Variants in ABLIM2 observed in about 807,000 individuals in gnomAD.
The protein encoded by ABLIM2 is actin binding LIM protein family member 2.
Under a neutral mutation model 97.7 loss-of-function variants are expected in ABLIM2, and 53 were observed. The ratio of observed to expected loss-of-function variants is 0.54; its 90% CI spans 0.44 to 0.68. The LOEUF is 0.68. ABLIM2 is among the 30% of genes least tolerant of loss of function. The pLI is 0.00. For missense variants in ABLIM2, 835 were observed against 867.2 expected (o/e 0.96, Z 0.47); for synonymous variants, 361 against 345.8 (o/e 1.04, Z -0.49).
intron 7 of ABLIM2, among the ~76,000 whole-genome samples, chr4:8,055,459 G>A (rs1289995648): frequency 6.6e-6 from 1 of 151,484 alleles, no homozygotes; most frequent in East Asian, 1.9e-4. Context: ...CATCCAGCCT[G>A]ACCCGCCACT....
intron 5 of ABLIM2, among the ~76,000 whole-genome samples, chr4:8,078,349 G>A (rs1411213275): frequency 1.3e-5 from 2 of 152,252 alleles, no homozygotes; most frequent in South Asian, 2.1e-4. Context: ...CCACGCACAC[G>A]TGCGGCCTGC....
chr4:8,106,511 T>C lies in ABLIM2; in HGVS notation c.137A>G (p.Lys46Arg), dbSNP rs1273352714. 4 of 1,599,320 alleles carry C rather than the reference T, an allele frequency of 2.5e-6. No homozygotes were observed. Among genetic ancestry groups the C allele is most frequent in the Non-Finnish European group, 3.4e-6 (4 of 1,173,286 alleles). ...LRVQDKYFHI[K>R]CFVCKACGCD... ...ACACTCACCTTTACAGACGAAGCAC[T>C]TGATGTGGAAGTACTTGTCCTGCAC... The change falls in exon 2 of 21, where the codon AAG (lysine) becomes AGG (arginine). Residue 46 changes from lysine to arginine, a missense_variant. Coordinates refer to ENST00000447017, the MANE Select transcript of ABLIM2 (RefSeq NM_001130083.2).
rs976134135 is a variant in ABLIM2 at position 8,062,735 on chromosome 4, G to A, written c.676-1681C>T. The stretch of plus-strand genomic sequence containing the variant: ...ATTACAGGCATGAGCCACCACGCCC[G>A]GCCTGGTCTGAGTAGCACTCTTAAG... On this transcript the variant is annotated intron_variant, in intron 6 of 20. Coordinates refer to ENST00000447017, the MANE Select transcript of ABLIM2 (RefSeq NM_001130083.2). 5.3e-5 allele frequency among the ~76,000 whole-genome samples: 8 copies of A among 151,988 alleles called. No individual in the cohort carries two copies. In the East Asian group the frequency reaches 7.8e-4, roughly 15 times the overall value.
rs1290255288 is a variant in ABLIM2 at position 8,032,814 on chromosome 4, C to G, written c.1048-3038G>C. ...CCTGATCCTCCAGACAGGAAAAGAACTCTACCCCGAGAGACACAAGTCAGG... is the reference window on the plus strand; with the variant it reads ...CCTGATCCTCCAGACAGGAAAAGAAGTCTACCCCGAGAGACACAAGTCAGG... On this transcript the variant is annotated intron_variant, in intron 10 of 20. Transcript: ENST00000447017. This position sits in a 1 kb window ranked among gnomAD's most constrained non-coding sequence, Gnocchi z 4.3. 1.1e-6 allele frequency: 1 copy of G among 877,878 alleles called. No homozygotes were observed. Among genetic ancestry groups the G allele is most frequent in the Non-Finnish European group, 1.8e-6 (1 of 542,086 alleles). 54.4% of individuals were successfully genotyped at this position (877,878 alleles called of 1,614,324 possible). A position where few individuals can be genotyped will look rare whatever the true frequency, so the allele number is the denominator to read the frequency against.
rs112406392 is a variant in ABLIM2, at chr4:8,044,995, C to T, written c.900+169G>A. Among the ~76,000 whole-genome samples, 8 of 152,302 alleles carry T rather than the reference C, an allele frequency of 5.3e-5. No individual in the cohort carries two copies. The highest frequency in any genetic ancestry group is 1.9e-4 in the African/African-American group (8 of 41,566). ...ATGTCTGTGTTTCAGACTCATAAAG[C>T]CTGTACCAACCTCCACCCCGAAGCA... On this transcript the variant is annotated intron_variant, in intron 9 of 20. Coordinates refer to ENST00000447017, the MANE Select transcript of ABLIM2 (RefSeq NM_001130083.2). This position sits in a 1 kb window ranked among gnomAD's most constrained non-coding sequence, Gnocchi z 4.4.
Position 8,124,896 on chromosome 4 carries a change from C to T in ABLIM2, c.11-18259G>A, listed in dbSNP as rs376940984. On this transcript the variant is annotated intron_variant, in intron 1 of 20. Transcript: ENST00000447017. This position sits in a 1 kb window ranked among gnomAD's most constrained non-coding sequence, Gnocchi z 6.1. ...CCACAGCCTGCTCTGGGTGTGCCTG[C>T]GATTTTGATCCAGCCATTCTAGCGG... is the stretch of plus-strand genomic sequence containing the variant. 1.9e-4 allele frequency among the ~76,000 whole-genome samples: 29 copies of T among 152,270 alleles called. No homozygotes were observed. In the East Asian group the frequency reaches 3.7e-3, roughly 19 times the overall value.
intron 16 of ABLIM2, chr4:8,007,213 C>T (rs1762035783): frequency 8.1e-6 from 8 of 985,376 alleles, no homozygotes; most frequent in Non-Finnish European, 8.4e-6. Context: ...TATGGCCGGC[C>T]GAATGCCACA....
Position 8,066,118 on chromosome 4 carries a change from G to A in ABLIM2, c.676-5064C>T, listed in dbSNP as rs1385025255. ...AGATGGAGACCATCCTGGCTAACACGGTGAAACCCTGTCTCTACTAAAAAA... is the reference window on the plus strand; with the variant it reads ...AGATGGAGACCATCCTGGCTAACACAGTGAAACCCTGTCTCTACTAAAAAA... On this transcript the variant is annotated intron_variant, in intron 6 of 20. Coordinates refer to ENST00000447017, the MANE Select transcript of ABLIM2 (RefSeq NM_001130083.2). Among the ~76,000 whole-genome samples the A allele has an allele frequency of 8.0e-5, 12 of 150,292 alleles. 1 individual carries two copies. The East Asian group carries it at 2.0e-3, about 25-fold the overall frequency.
rs550370095 is a variant in ABLIM2 at position 7,985,952 on chromosome 4, A to C, written c.1681-1059T>G. Among the ~76,000 whole-genome samples, 535 of 152,324 alleles carry C rather than the reference A, an allele frequency of 3.5e-3. 6 individuals carry two copies. The highest frequency in any genetic ancestry group is 6.0e-3 in the Non-Finnish European group (407 of 68,010). ...GGGTCGGGCAGTCCTGCCCCTGCCCACTTCCTGCCCCTTGCTGGGGCCCGG... is the reference window on the plus strand; with the variant it reads ...GGGTCGGGCAGTCCTGCCCCTGCCCCCTTCCTGCCCCTTGCTGGGGCCCGG... On this transcript the variant is annotated intron_variant, in intron 17 of 20. Coordinates refer to ENST00000447017, the MANE Select transcript of ABLIM2 (RefSeq NM_001130083.2).
intron 6 of ABLIM2, among the ~76,000 whole-genome samples, chr4:8,076,653 G>T (rs974843301): frequency 1.3e-5 from 2 of 151,592 alleles, no homozygotes; most frequent in Admixed American, 6.6e-5. Flanking sequence ...CTTCCCCCAT[G>T]GACCATGGGC....
rs1393506110 is a variant in ABLIM2 at position 8,128,203 on chromosome 4, C to T, written c.11-21566G>A. On this transcript the variant is annotated intron_variant, in intron 1 of 20. Coordinates refer to ENST00000447017, the MANE Select transcript of ABLIM2 (RefSeq NM_001130083.2). The surrounding 1 kb of genome is among the most constrained non-coding windows in gnomAD (Gnocchi z 4.9). ...TCTTCCCTGTGTGTCTCTGCGTGTC[C>T]TTTTTAGTCTCTTATGAGGACACCA... is the stretch of plus-strand genomic sequence containing the variant. 2.6e-5 allele frequency among the ~76,000 whole-genome samples: 4 copies of T among 152,170 alleles called. No individual in the cohort carries two copies. Among genetic ancestry groups the T allele is most frequent in the Non-Finnish European group, 2.9e-5 (2 of 68,034 alleles).
chr4:8,011,639 G>T, intron 14 of ABLIM2, among the ~76,000 whole-genome samples: 1 of 152,238 alleles, frequency 6.6e-6, no homozygotes, highest in East Asian at 1.9e-4. Flanking sequence ...AGGCTAATTT[G>T]CAGCATGCTG....
chr4:8,068,745 G>A lies in ABLIM2; in HGVS notation c.676-7691C>T, dbSNP rs1809755263. ...AGGGCCAGGGCTGGGCCTGCGGGCT[G>A]CACCTCCCTGCAGCAGGCAGCTCCC... On this transcript the variant is annotated intron_variant, in intron 6 of 20. Coordinates refer to ENST00000447017, the MANE Select transcript of ABLIM2 (RefSeq NM_001130083.2). The surrounding 1 kb of genome is among the most constrained non-coding windows in gnomAD (Gnocchi z 4.5). Among the ~76,000 whole-genome samples the A allele has an allele frequency of 6.6e-6, 1 of 152,232 alleles. No homozygotes were observed. Among genetic ancestry groups the A allele is most frequent in the African/African-American group, 2.4e-5 (1 of 41,464 alleles).
chr4:8,006,790 C>G (rs1166232360), intron 16 of ABLIM2, among the ~76,000 whole-genome samples: 1 of 152,206 alleles, frequency 6.6e-6, no homozygotes, highest in Non-Finnish European at 1.5e-5. Flanking sequence ...AGCCCCCTTG[C>G]CCTGCCTGCA....
rs1030539763 is a variant in ABLIM2, at chr4:8,022,396, G to T, written c.1268-2093C>A. Among the ~76,000 whole-genome samples, 3 of 152,190 alleles carry T rather than the reference G, an allele frequency of 2.0e-5. 1 individual carries two copies. The East Asian group carries it at 5.8e-4, about 29-fold the overall frequency. The stretch of plus-strand genomic sequence containing the variant: ...CAAACCAGAGTCTGTGGACACATGT[G>T]CACGTCTATTTGAGGAGGGTCCGGA... On this transcript the variant is annotated intron_variant, in intron 12 of 20. Coordinates refer to ENST00000447017, the MANE Select transcript of ABLIM2 (RefSeq NM_001130083.2). The surrounding 1 kb of genome is among the most constrained non-coding windows in gnomAD (Gnocchi z 7.8).
chr4:7,979,616 G>T (rs199628396), intron 20 of ABLIM2, among the ~76,000 whole-genome samples: 1 of 152,150 alleles, frequency 6.6e-6, no homozygotes, highest in African/African-American at 2.4e-5. Context: ...TTTGTAAAAC[G>T]TTGTAAATGA....
chr4:8,096,430 G>A (rs1445332642), intron 3 of ABLIM2, among the ~76,000 whole-genome samples: 1 of 152,178 alleles, frequency 6.6e-6, no homozygotes, highest in African/African-American at 2.4e-5. Context: ...GGGAGAGAGA[G>A]GTCTGACTCA....
chr4:8,098,014 C>T (rs957433820), intron 2 of ABLIM2, among the ~76,000 whole-genome samples: 2 of 152,224 alleles, frequency 1.3e-5, no homozygotes, highest in African/African-American at 4.8e-5. Context: ...AGGGAACACT[C>T]GCCCTCAGGA....
chr4:7,978,627 A>T (rs1735550704), intron 20 of ABLIM2, among the ~76,000 whole-genome samples: 1 of 152,046 alleles, frequency 6.6e-6, no homozygotes. Context: ...CCCAGAGGGG[A>T]CACGCCCTTT....
Sources: gnomAD v4.1 joint callset for allele counts (sites outside exome capture counted in the v4.1 genomes callset) on GRCh38, gnomAD v4.1.1 for gene constraint, Gnocchi (gnomAD v3.1) non-coding constraint, MANE v1.5 for transcripts, NCBI Gene and HGNC (gene_info 2026-07-23, HGNC 2026-07-21) for gene names.